SDK2: variants seen among roughly 807,000 people sequenced by gnomAD.
SDK2 encodes protein sidekick-2.
In SDK2, 105 loss-of-function variants were observed where a neutral mutation model predicts 253.9. That is an observed-to-expected ratio of 0.41 (90% CI 0.35 to 0.49). The LOEUF (loss-of-function observed/expected upper bound fraction) is 0.49. SDK2 is among the 20% of genes least tolerant of loss of function. The pLI, the probability that SDK2 is intolerant of heterozygous loss-of-function variation, is 0.06. For synonymous variants in SDK2, 1,249 were observed against 1,234.9 expected (o/e 1.01, Z -0.24); for missense variants, 2,608 against 3,003.0 (o/e 0.87, Z 3.07).
At chr17:73,423,239 A>C (rs1467692474) in intron 14 of SDK2, 147 bp downstream of exon 14, 17 of 708,206 alleles carry the variant, frequency 2.4e-5, no homozygotes, top group Non-Finnish European at 3.4e-5. Context: ...TGTTTCCTTC[A>C]GAGATGGGAA....
intron 3 of SDK2, among the ~76,000 whole-genome samples, chr17:73,469,924 C>T (rs1340165512): frequency 1.3e-5 from 2 of 151,776 alleles, no homozygotes; most frequent in Non-Finnish European, 2.9e-5. Context: ...TTGGAACTTA[C>T]CACCTACTCC....
At chr17:73,411,995 TACACACATATATATGTAG>T (rs1568389074) in intron 18 of SDK2, among the ~76,000 whole-genome samples, 26 of 136,938 alleles carry the variant, frequency 1.9e-4, no homozygotes, top group South Asian at 7.0e-4. Flanking sequence ...CGTATATATA[TACACACATATATATGTAG>T]ATATACGTAT....
chr17:73,612,229 G>A lies in SDK2; in HGVS notation c.64+31796C>T, dbSNP rs1202591221. Among the ~76,000 whole-genome samples, 1 of 152,178 alleles carries A rather than the reference G, an allele frequency of 6.6e-6. No homozygotes were observed. Among genetic ancestry groups the A allele is most frequent in the African/African-American group, 2.4e-5 (1 of 41,442 alleles). ...GTGGCCCAGCTGCACCCGGGCTGCA[G>A]GCCGGCCCCCCACGGTCCCCCACCC... On this transcript the variant is annotated intron_variant, in intron 1 of 44. Coordinates refer to ENST00000392650, the MANE Select transcript of SDK2 (RefSeq NM_001144952.2). This position sits in a 1 kb window ranked among gnomAD's most constrained non-coding sequence, Gnocchi z 4.4.
chr17:73,433,968 G>A, intron 9 of SDK2, 120 bp from the exon 10 acceptor site: 1 of 653,600 alleles, frequency 1.5e-6, no homozygotes, highest in Non-Finnish European at 2.6e-6. Context: ...GCCATGGTGA[G>A]GGGCCCTCCA....
rs1021414586 is a variant in SDK2 at position 73,438,076 on chromosome 17, C to A, written c.804G>T (p.Arg268=). The A allele has an allele frequency of 6.4e-7, 1 of 1,551,662 alleles. No homozygotes were observed. Among genetic ancestry groups the A allele is most frequent in the African/African-American group, 1.4e-5 (1 of 73,182 alleles). The change falls in exon 7 of 45, where the codon CGG becomes CGT. Residue 268 remains arginine (R), a synonymous_variant. Coordinates refer to ENST00000392650, the MANE Select transcript of SDK2 (RefSeq NM_001144952.2). ...TGCCGGTGGGGTTGGGGATGGTGAG[C>A]CGGCGGTTGTGGTCACTGATGCCGC... is the stretch of plus-strand genomic sequence containing the variant. The part of the protein sequence containing the change: ...LSGGISDHNR[R]LTIPNPTGSD...
At chr17:73,579,548 AT>A (rs2045503978) in intron 1 of SDK2, among the ~76,000 whole-genome samples, 1 of 152,180 alleles carries the variant, frequency 6.6e-6, no homozygotes, top group Admixed American at 6.5e-5. Flanking sequence ...CCACCCCAGA[AT>A]CCAGATGTTG....
At chr17:73,482,978 C>A (rs1354877620) in intron 2 of SDK2, among the ~76,000 whole-genome samples, 1 of 152,168 alleles carries the variant, frequency 6.6e-6, no homozygotes, top group Admixed American at 6.5e-5. Flanking sequence ...AGCCAGGGGA[C>A]CTGGGCTCAG....
intron 1 of SDK2, among the ~76,000 whole-genome samples, chr17:73,556,498 T>C (rs1037874003): frequency 6.6e-6 from 1 of 152,240 alleles, no homozygotes; most frequent in African/African-American, 2.4e-5. Context: ...AGGCTGTGTA[T>C]GGTCAGATGT....
chr17:73,563,807 C>T (rs2045272394), intron 1 of SDK2, among the ~76,000 whole-genome samples: 1 of 151,676 alleles, frequency 6.6e-6, no homozygotes, highest in Non-Finnish European at 1.5e-5. Context: ...GGGTCTCCCT[C>T]TGTCATCCAG....
intron 1 of SDK2, among the ~76,000 whole-genome samples, chr17:73,615,733 T>A (rs1194423652): frequency 6.6e-6 from 1 of 152,170 alleles, no homozygotes; most frequent in East Asian, 1.9e-4. Context: ...GACAGCCCAC[T>A]GGAGGCCACG....
intron 1 of SDK2, among the ~76,000 whole-genome samples, chr17:73,558,465 A>AAGGAAGGG (rs985039782): frequency 2.0e-5 from 3 of 150,090 alleles, no homozygotes; most frequent in Non-Finnish European, 4.4e-5. Flanking sequence ...GGAAGAAAGG[A>AAGGAAGGG]AGGAAGGGAG....
At chr17:73,595,246 T>G in intron 1 of SDK2, among the ~76,000 whole-genome samples, 1 of 151,320 alleles carries the variant, frequency 6.6e-6, no homozygotes, top group African/African-American at 2.4e-5. Context: ...GTCTGAGAGA[T>G]GGGGAGAGGC....
rs888348445 is a variant in SDK2, at chr17:73,336,536, C to T, written c.*2051G>A. On this transcript the variant is annotated 3_prime_UTR_variant, in exon 45 of 45. Coordinates refer to ENST00000392650, the MANE Select transcript of SDK2 (RefSeq NM_001144952.2). ...TCCAGCATCTCCCCGTTCACATTTC[C>T]CAGGGGTCAAGTGCTTCAGGAAAAA... is the stretch of plus-strand genomic sequence containing the variant. The T allele has an allele frequency of 6.5e-6, 1 of 152,692 alleles. No homozygotes were observed. The highest frequency in any genetic ancestry group is 6.5e-5 in the Admixed American group (1 of 15,282). The allele number at this position is 152,692 out of a possible 1,614,324, so 9.5% of individuals were successfully genotyped here. A position where few individuals can be genotyped will look rare whatever the true frequency, so the allele number is the denominator to read the frequency against.
chr17:73,479,121 C>T (rs2063705809), intron 2 of SDK2, among the ~76,000 whole-genome samples: 1 of 152,256 alleles, frequency 6.6e-6, no homozygotes, highest in Non-Finnish European at 1.5e-5. Context: ...GTGAACTGTG[C>T]TCAGGTAGAG....
At position 73,643,957 on chromosome 17, in the gene SDK2, T is replaced by TGCCCCCCCCCCCCCC; in HGVS notation, c.64+67_64+68insGGGGGGGGGGGGGGC. ...GGAGGTCACCGTGAGGCCGGCCAGC[T>TGCCCCCCCCCCCCCC]CCCGCCGCCCCTCCCCCGCCCACTC... On this transcript the variant is annotated intron_variant, in intron 1 of 44. Coordinates refer to ENST00000392650, the MANE Select transcript of SDK2 (RefSeq NM_001144952.2). This position sits in a 1 kb window ranked among gnomAD's most constrained non-coding sequence, Gnocchi z 6.9. 3.9e-6 allele frequency: 4 copies of TGCCCCCCCCCCCCCC among 1,019,986 alleles called. No individual in the cohort carries two copies. Among genetic ancestry groups the TGCCCCCCCCCCCCCC allele is most frequent in the African/African-American group, 1.6e-5 (1 of 63,134 alleles). 63.2% of individuals were successfully genotyped at this position (1,019,986 alleles called of 1,614,324 possible). A position where few individuals can be genotyped will look rare whatever the true frequency, so the allele number is the denominator to read the frequency against.
intron 2 of SDK2, among the ~76,000 whole-genome samples, chr17:73,483,846 C>T (rs1195152171): frequency 6.7e-6 from 1 of 149,866 alleles, no homozygotes; most frequent in Non-Finnish European, 1.5e-5. Context: ...CCCAGCCAGA[C>T]AGAACGTTTT....
intron 34 of SDK2, 55 bp downstream of exon 34, chr17:73,380,839 C>A: frequency 2.0e-6 from 3 of 1,485,828 alleles, no homozygotes; most frequent in Non-Finnish European, 2.8e-6. Context: ...GGCCCCACTC[C>A]CAATCCCCTG....
Position 73,335,763 on chromosome 17 carries a change from C to T in SDK2, c.*2824G>A, listed in dbSNP as rs1361745913. On this transcript the variant is annotated 3_prime_UTR_variant, in exon 45 of 45. Transcript: ENST00000392650. ...CAGCCACGCCCCAAGTGCAAGCAAC[C>T]CAGGCCACCTGTGCCTCACAGGGGA... The T allele has an allele frequency of 6.6e-6, 1 of 152,294 alleles. No homozygotes were observed. The highest frequency in any genetic ancestry group is 2.4e-5 in the African/African-American group (1 of 41,460). The allele number at this position is 152,294 out of a possible 1,614,324, so 9.4% of individuals were successfully genotyped here. A position where few individuals can be genotyped will look rare whatever the true frequency, so the allele number is the denominator to read the frequency against.
intron 1 of SDK2, among the ~76,000 whole-genome samples, chr17:73,532,604 C>A (rs2064178374): frequency 6.6e-6 from 1 of 152,218 alleles, no homozygotes; most frequent in South Asian, 2.1e-4. Context: ...CGTTGCCAGA[C>A]AATGAAATCG....
Sources: allele counts gnomAD v4.1 joint callset (sites outside exome capture counted in the v4.1 genomes callset), GRCh38; gene constraint gnomAD v4.1.1; non-coding constraint Gnocchi (gnomAD v3.1); transcripts MANE v1.5; gene names NCBI Gene and HGNC (gene_info 2026-07-23, HGNC 2026-07-21).